The following CALN1 variants were observed in gnomAD, a reference collection of about 807,000 sequenced individuals.
CALN1 encodes the protein calneuron 1.
Under a neutral mutation model 30.6 loss-of-function variants are expected in CALN1, and 17 were observed. That is an observed-to-expected ratio of 0.56 (90% CI 0.38 to 0.83). The LOEUF is 0.83. Ranked by LOEUF, CALN1 falls within the 40% of genes least tolerant of loss-of-function variation. The probability of loss-of-function intolerance (pLI) is 0.00; values close to 1 mark genes in which losing one functional copy is unlikely to be tolerated. For missense variants in CALN1, 291 were observed against 354.9 expected, an observed-to-expected ratio of 0.82 and a Z score of 1.45; for synonymous variants, 156 against 131.4, an observed-to-expected ratio of 1.19 and a Z score of -1.28.
intron 3 of CALN1, among the ~76,000 whole-genome samples, chr7:72,163,847 A>G (rs1362253580): frequency 1.3e-5 from 2 of 152,224 alleles, no homozygotes; most frequent in Non-Finnish European, 2.9e-5. Flanking sequence ...GACAACATAA[A>G]AGAAGAAATA....
At chr7:71,790,389 AAAGAAAGAAAGAAAG>A (rs201615567) in intron 6 of CALN1, among the ~76,000 whole-genome samples, 3,210 of 116,902 alleles carry the variant, frequency 0.027, 114 homozygotes, top group African/African-American at 0.068. Flanking sequence ...AGAAAGAAAG[AAAGAAAGAAAGAAAG>A]AAAGAAAGAA....
In CALN1 at chr7:72,308,384, A is replaced by G. The variant is rs1195060028; in HGVS notation, c.120-29574T>C. 9.0e-4 allele frequency among the ~76,000 whole-genome samples: 98 copies of G among 108,556 alleles called. 1 individual carries two copies. The highest frequency in any genetic ancestry group is 2.9e-3 in the African/African-American group (84 of 29,166). The allele number at this position is 108,556 out of a possible 152,430, so 71.2% of individuals were successfully genotyped here. On this transcript the variant is annotated intron_variant, in intron 2 of 6. Coordinates refer to ENST00000395275, the MANE Select transcript of CALN1 (RefSeq NM_031468.4). ...GTCTGTGGGGGGGGGAGAGAGAGAG[A>G]GAGAGAGAGAGAGAGAGAGAGGAAA... is the stretch of plus-strand genomic sequence containing the variant.
chr7:72,370,299 T>G (rs1302317857), intron 2 of CALN1, among the ~76,000 whole-genome samples: 2 of 152,224 alleles, frequency 1.3e-5, no homozygotes, highest in Non-Finnish European at 2.9e-5. Context: ...TTTTATCTTG[T>G]GCTCATGTCT....
intron 5 of CALN1, among the ~76,000 whole-genome samples, chr7:71,867,395 G>C (rs374204087): frequency 1.3e-5 from 2 of 152,030 alleles, no homozygotes; most frequent in South Asian, 2.1e-4. Context: ...GCATTTGGTG[G>C]TGTGTTGTGG....
intron 2 of CALN1, among the ~76,000 whole-genome samples, chr7:72,380,818 G>A (rs748595869): frequency 3.3e-5 from 5 of 152,090 alleles, no homozygotes; most frequent in African/African-American, 7.2e-5. Flanking sequence ...CTCCAGTCTC[G>A]GCAACAGAGC....
At chr7:72,193,882 T>C (rs533310043) in intron 3 of CALN1, among the ~76,000 whole-genome samples, 1 of 152,302 alleles carries the variant, frequency 6.6e-6, no homozygotes, top group African/African-American at 2.4e-5. Flanking sequence ...CATTGTATCT[T>C]CTCACTCGTA....
intron 1 of CALN1, among the ~76,000 whole-genome samples, chr7:72,408,422 G>A (rs1235089273): frequency 1.3e-5 from 2 of 152,050 alleles, no homozygotes; most frequent in African/African-American, 4.8e-5. Context: ...TCCAGCCTGG[G>A]CAACAGACTC....
intron 2 of CALN1, among the ~76,000 whole-genome samples, chr7:72,387,287 AGGG>A: frequency 1.3e-5 from 1 of 76,676 alleles, no homozygotes; most frequent in Non-Finnish European, 2.6e-5. Flanking sequence ...GGAGGGAGGG[AGGG>A]AGGGAGGGAG....
At position 72,257,122 on chromosome 7, in the gene CALN1, G is replaced by A. The variant is rs114703153; in HGVS notation, c.244+21564C>T. ...AGAAGCAAGGCACATCTTACATGGCGGCAAGAGAGAGAGCGTGCACAGGGG... is the reference window on the plus strand; with the variant it reads ...AGAAGCAAGGCACATCTTACATGGCAGCAAGAGAGAGAGCGTGCACAGGGG... On this transcript the variant is annotated intron_variant, in intron 3 of 6. Coordinates refer to ENST00000395275, the MANE Select transcript of CALN1 (RefSeq NM_031468.4). 5.2e-3 allele frequency among the ~76,000 whole-genome samples: 789 copies of A among 152,266 alleles called. 7 individuals carry two copies. The highest frequency in any genetic ancestry group is 0.018 in the African/African-American group (728 of 41,542).
intron 2 of CALN1, among the ~76,000 whole-genome samples, chr7:72,344,024 T>C (rs1330289631): frequency 6.6e-6 from 1 of 152,158 alleles, no homozygotes; most frequent in Non-Finnish European, 1.5e-5. Flanking sequence ...GGTCTATTTT[T>C]TTTTATTTTT....
intron 3 of CALN1, among the ~76,000 whole-genome samples, chr7:72,112,029 G>A (rs1379510464): frequency 6.6e-6 from 1 of 152,042 alleles, no homozygotes; most frequent in African/African-American, 2.4e-5. Flanking sequence ...AGGATAACAG[G>A]CATGAGCCAC....
chr7:71,936,270 G>A (rs1317960453), intron 5 of CALN1, among the ~76,000 whole-genome samples: 2 of 152,076 alleles, frequency 1.3e-5, no homozygotes, highest in Admixed American at 6.5e-5. Context: ...AGGCTGAGAC[G>A]GGTGGATCAC....
chr7:72,118,302 T>C (rs1010709368), intron 3 of CALN1, among the ~76,000 whole-genome samples: 3 of 152,188 alleles, frequency 2.0e-5, no homozygotes, highest in African/African-American at 7.2e-5. Flanking sequence ...CAAAATCACA[T>C]CTTTAATGGA....
intron 5 of CALN1, among the ~76,000 whole-genome samples, chr7:71,839,935 AG>A (rs1789836806): frequency 6.6e-6 from 1 of 152,170 alleles, no homozygotes; most frequent in South Asian, 2.1e-4. Flanking sequence ...AGGGCTGCCC[AG>A]GTCACATGCA....
intron 5 of CALN1, among the ~76,000 whole-genome samples, chr7:71,847,383 C>G (rs1360868367): frequency 6.6e-6 from 1 of 152,038 alleles, no homozygotes; most frequent in Non-Finnish European, 1.5e-5. Context: ...GGTGCAGTGG[C>G]TCACGCTTGT....
intron 5 of CALN1, among the ~76,000 whole-genome samples, chr7:72,017,662 A>T (rs1002014223): frequency 2.0e-5 from 3 of 152,186 alleles, no homozygotes; most frequent in African/African-American, 4.8e-5. Context: ...CCCCGGACTC[A>T]TTCCAACACG....
At chr7:72,409,144 C>T (rs1359494710) in intron 1 of CALN1, among the ~76,000 whole-genome samples, 1 of 151,940 alleles carries the variant, frequency 6.6e-6, no homozygotes, top group East Asian at 2.0e-4. Context: ...TACAGGCGCC[C>T]GCCACCGCTC....
intron 2 of CALN1, among the ~76,000 whole-genome samples, chr7:72,282,038 T>C (rs747632412): frequency 1.3e-5 from 2 of 152,174 alleles, no homozygotes; most frequent in Non-Finnish European, 2.9e-5. Flanking sequence ...CCATGAGCAA[T>C]GGAACGATCC....
At chr7:72,295,460 G>A (rs1470480048) in intron 2 of CALN1, among the ~76,000 whole-genome samples, 2 of 151,822 alleles carry the variant, frequency 1.3e-5, no homozygotes, top group Admixed American at 1.3e-4. Context: ...GGGCAGTATG[G>A]CCATTTTCAC....
Sources: allele counts gnomAD v4.1 joint callset (sites outside exome capture counted in the v4.1 genomes callset), GRCh38; gene constraint gnomAD v4.1.1; transcripts MANE v1.5; gene names NCBI Gene and HGNC (gene_info 2026-07-23, HGNC 2026-07-21).